The following COX7A2L variants were observed in gnomAD, a reference collection of about 807,000 sequenced individuals.
COX7A2L encodes cytochrome c oxidase subunit 7A2 like, also known as cytochrome c oxidase subunit 7A2-like, mitochondrial.
Under a neutral mutation model 14.2 loss-of-function variants are expected in COX7A2L, and 18 were observed. The ratio of observed to expected loss-of-function variants is 1.27; its 90% confidence interval spans 0.88 to 1.88. The LOEUF is 1.88. Among genes scored for constraint, COX7A2L ranks in the 40% most tolerant of loss-of-function variants. COX7A2L has a pLI of 0.00. For synonymous variants in COX7A2L, 65 were observed against 57.4 expected (o/e 1.13, Z -0.60); for missense variants, 179 against 138.8 (o/e 1.29, Z -1.46).
At chr2:42,361,338 G>C, upstream of COX7A2L, 1 of 593,724 alleles carries the variant, frequency 1.7e-6, no homozygotes, top group South Asian at 2.2e-5. Context: ...GGAACCAAAA[G>C]CCAGGGTTCT....
At chr2:42,354,723 T>C (rs1670763664) in intron 1 of COX7A2L, among the ~76,000 whole-genome samples, 1 of 152,248 alleles carries the variant, frequency 6.6e-6, no homozygotes, top group Non-Finnish European at 1.5e-5. Context: ...AACCATGGCC[T>C]GTTTTCTGTA....
At position 42,336,507 on chromosome 2, in the gene COX7A2L, A is replaced by G. The variant is rs186353891; in HGVS notation, c.193-2638T>C. ...GAATTTCTTAATATGCAAAGCCTTC[A>G]GCCTGGTCATCCCATCTCATGCTTG... On this transcript the variant is annotated intron_variant, in intron 2 of 2. Coordinates refer to the COX7A2L transcript ENST00000468711. Among the ~76,000 whole-genome samples, 163 of 152,316 alleles carry G rather than the reference A, an allele frequency of 1.1e-3. 1 individual carries two copies. The highest frequency in any genetic ancestry group is 1.7e-3 in the Non-Finnish European group (115 of 68,030).
intron 2 of COX7A2L, among the ~76,000 whole-genome samples, chr2:42,336,528 G>T (rs1670277446): frequency 6.6e-6 from 1 of 152,082 alleles, no homozygotes; most frequent in South Asian, 2.1e-4. Context: ...CCCATCTCAT[G>T]CTTGACTGAT....
intron 1 of COX7A2L, chr2:42,360,874 C>A (rs553426705): frequency 8.4e-6 from 5 of 598,796 alleles, no homozygotes; most frequent in African/African-American, 1.9e-5. Context: ...ACCAAACTTC[C>A]ACGCCAGGCC....
chr2:42,345,400 CAAAATT>C (rs1558628253), downstream of COX7A2L, among the ~76,000 whole-genome samples: 1 of 151,994 alleles, frequency 6.6e-6, no homozygotes, highest in East Asian at 1.9e-4. Context: ...AAAACAAAAA[CAAAATT>C]ATTTTTAATG....
At chr2:42,368,595 A>G (rs1412788187) in intron 1 of COX7A2L, among the ~76,000 whole-genome samples, 6 of 152,232 alleles carry the variant, frequency 3.9e-5, no homozygotes, top group Non-Finnish European at 7.3e-5. Flanking sequence ...TGGCTTATGT[A>G]TCTGCCACAA....
chr2:42,342,702 G>A lies in COX7A2L; in HGVS notation c.193-8833C>T, dbSNP rs905435659. Among the ~76,000 whole-genome samples, 1 of 152,208 alleles carries A rather than the reference G, an allele frequency of 6.6e-6. No homozygotes were observed. Among genetic ancestry groups the A allele is most frequent in the Non-Finnish European group, 1.5e-5 (1 of 68,034 alleles). ...CTAATCTATGTCATAGACGAGGTCA[G>A]AACAAGAGAAGGCAGGATGTCCCAG... is the stretch of plus-strand genomic sequence containing the variant. On this transcript the variant is annotated intron_variant, in intron 2 of 2. Transcript: ENST00000468711. The surrounding 1 kb of genome is among the most constrained non-coding windows in gnomAD (Gnocchi z 4.9).
upstream of COX7A2L, chr2:42,365,758 G>A (rs1671152589): frequency 6.6e-6 from 1 of 152,180 alleles, no homozygotes; most frequent in African/African-American, 2.4e-5. Context: ...ATCACCTCCT[G>A]CGTAGATGTG....
chr2:42,352,388 T>C lies in COX7A2L; in HGVS notation c.204+824A>G, dbSNP rs368067907. ...TATGCTGCCCAGGCTGATCAAGCAA[T>C]CCTCCTACCTTGGCCTCCCAAAGTG... On this transcript the variant is annotated intron_variant, in intron 2 of 2. Transcript: ENST00000234301. 3.9e-4 allele frequency among the ~76,000 whole-genome samples: 60 copies of C among 152,196 alleles called. No homozygotes were observed. In the East Asian group the frequency reaches 0.011, roughly 28 times the overall value.
Position 42,361,200 on chromosome 2 carries a change from C to G in COX7A2L, c.-39G>C. On this transcript the variant is annotated 5_prime_UTR_variant, in exon 1 of 3. Coordinates refer to ENST00000234301, the MANE Select transcript of COX7A2L (RefSeq NM_004718.4). ...CGGCTTCCCGCATCCGCTGCCAACG[C>G]GACCGCCCCAGAGAAGGACCCCGCC... 6.4e-7 allele frequency: 1 copy of G among 1,565,806 alleles called. No homozygotes were observed. Among genetic ancestry groups the G allele is most frequent in the Non-Finnish European group, 8.7e-7 (1 of 1,150,518 alleles).
intron 2 of COX7A2L, among the ~76,000 whole-genome samples, chr2:42,341,823 G>A (rs1389903992): frequency 1.3e-5 from 2 of 152,172 alleles, no homozygotes; most frequent in African/African-American, 4.8e-5. Context: ...CACAGATTTG[G>A]CCTGAAACAC....
downstream of COX7A2L, among the ~76,000 whole-genome samples, chr2:42,348,667 C>A (rs1403059526): frequency 6.6e-6 from 1 of 152,054 alleles, no homozygotes; most frequent in Non-Finnish European, 1.5e-5. Flanking sequence ...GCCTGTAATC[C>A]CAGCACTTTA....
chr2:42,351,059 T>G lies in COX7A2L; in HGVS notation c.*160A>C. On this transcript the variant is annotated 3_prime_UTR_variant, in exon 3 of 3. Coordinates refer to ENST00000234301, the MANE Select transcript of COX7A2L (RefSeq NM_004718.4). ...GTCGAATGAGCTCTGACAAGCCATA[T>G]GCATTTCATAAACAAACCAAAACAT... The G allele has an allele frequency of 1.4e-6, 1 of 734,218 alleles. No individual in the cohort carries two copies. The highest frequency in any genetic ancestry group is 2.1e-6 in the Non-Finnish European group (1 of 465,878). The allele number at this position is 734,218 out of a possible 1,614,324, so 45.5% of individuals were successfully genotyped here. A position where few individuals can be genotyped will look rare whatever the true frequency, so the allele number is the denominator to read the frequency against.
At chr2:42,351,452 T>A in intron 2 of COX7A2L, 93 bp from the exon 3 acceptor site, 1 of 1,421,290 alleles carries the variant, frequency 7.0e-7, no homozygotes, top group Non-Finnish European at 9.7e-7. Flanking sequence ...ACTCGGTAAG[T>A]AATTCATCAA....
At chr2:42,348,407 T>C (rs1288915060), downstream of COX7A2L, among the ~76,000 whole-genome samples, 1 of 152,090 alleles carries the variant, frequency 6.6e-6, no homozygotes, top group East Asian at 1.9e-4. Context: ...TCACCAATAA[T>C]GGGACAAACT....
downstream of COX7A2L, among the ~76,000 whole-genome samples, chr2:42,345,896 G>C (rs1670486290): frequency 6.6e-6 from 1 of 152,138 alleles, no homozygotes; most frequent in Non-Finnish European, 1.5e-5. Context: ...ATCTCATCCA[G>C]ACAGCACTGA....
At chr2:42,360,917 A>T in intron 1 of COX7A2L, 173 bp downstream of exon 1, 1 of 677,488 alleles carries the variant, frequency 1.5e-6, no homozygotes, top group East Asian at 2.8e-5. Context: ...ACACAAAAAG[A>T]AGCCTCAGTG....
intron 2 of COX7A2L, among the ~76,000 whole-genome samples, chr2:42,340,246 C>A (rs1382653574): frequency 6.6e-6 from 1 of 152,172 alleles, no homozygotes; most frequent in Non-Finnish European, 1.5e-5. Flanking sequence ...GACAACCTCC[C>A]CTCTCCAGGG....
chr2:42,338,718 C>G lies in COX7A2L; in HGVS notation c.193-4849G>C, dbSNP rs1246329393. Among the ~76,000 whole-genome samples the G allele has an allele frequency of 6.6e-6, 1 of 152,198 alleles. No homozygotes were observed. The highest frequency in any genetic ancestry group is 1.5e-5 in the Non-Finnish European group (1 of 68,052). ...CTGACAGCAGGACTCTAACCACTGG[C>G]TACGGTGGAAAAGGCCTCAGGAAAC... On this transcript the variant is annotated intron_variant, in intron 2 of 2. Transcript: ENST00000468711. This position sits in a 1 kb window ranked among gnomAD's most constrained non-coding sequence, Gnocchi z 4.4.
Sources: gnomAD v4.1 joint callset for allele counts (sites outside exome capture counted in the v4.1 genomes callset) on GRCh38, gnomAD v4.1.1 for gene constraint, Gnocchi (gnomAD v3.1) non-coding constraint, MANE v1.5 for transcripts, NCBI Gene and HGNC (gene_info 2026-07-23, HGNC 2026-07-21) for gene names.